The following PPP1R9A variants were observed in gnomAD, a reference collection of about 807,000 sequenced individuals.
PPP1R9A encodes neurabin-1.
A neutral mutation model predicts 141.9 loss-of-function variants in PPP1R9A; 59 were observed. The observed-to-expected ratio is 0.42, with a 90% CI of 0.34 to 0.52. The LOEUF is 0.52. Among genes scored for constraint, PPP1R9A ranks in the 20% least tolerant of loss-of-function variants. The probability of loss-of-function intolerance (pLI) is 0.10; values close to 1 mark genes in which losing one functional copy is unlikely to be tolerated. For synonymous variants in PPP1R9A, 500 were observed against 569.7 expected (o/e 0.88, Z 1.74); for missense variants, 1,444 against 1,611.9 (o/e 0.90, Z 1.78).
intron 9 of PPP1R9A, among the ~76,000 whole-genome samples, 160 bp from the exon 10 acceptor site, chr7:95,249,866 A>C (rs767994222): frequency 1.3e-5 from 2 of 152,164 alleles, no homozygotes; most frequent in Non-Finnish European, 2.9e-5. Flanking sequence ...CCATTTTATC[A>C]TCTGTGGAAT....
At chr7:95,153,438 T>C (rs1829072302) in intron 4 of PPP1R9A, among the ~76,000 whole-genome samples, 1 of 152,200 alleles carries the variant, frequency 6.6e-6, no homozygotes, top group African/African-American at 2.4e-5. Flanking sequence ...TAGGTATGGA[T>C]ATCATTAGCT....
chr7:95,060,550 T>C (rs1340667160), intron 2 of PPP1R9A, among the ~76,000 whole-genome samples: 1 of 152,168 alleles, frequency 6.6e-6, no homozygotes, highest in African/African-American at 2.4e-5. Flanking sequence ...GGTCTGCTGT[T>C]TATATAAATT....
At chr7:95,000,986 G>T (rs1175233654) in intron 2 of PPP1R9A, among the ~76,000 whole-genome samples, 2 of 152,134 alleles carry the variant, frequency 1.3e-5, no homozygotes. Flanking sequence ...TAATTATCTT[G>T]TGTAGAGCCC....
chr7:95,254,953 A>T (rs1196427204), intron 12 of PPP1R9A, among the ~76,000 whole-genome samples: 2 of 152,178 alleles, frequency 1.3e-5, no homozygotes, highest in East Asian at 3.8e-4. Flanking sequence ...AATCATCAGT[A>T]CAAATTTGTT....
At position 94,947,006 on chromosome 7, in the gene PPP1R9A, T is replaced by A. The variant is rs1418947252; in HGVS notation, c.1395+35498T>A. Among the ~76,000 whole-genome samples the A allele has an allele frequency of 2.6e-5, 4 of 152,222 alleles. No individual in the cohort carries two copies. In the East Asian group the frequency reaches 5.8e-4, roughly 22 times the overall value. On this transcript the variant is annotated intron_variant, in intron 2 of 19. Transcript: ENST00000433360. ...TCTATTATTTGTATCCTTTTATTAT[T>A]GTTATTAGTAAATACTAAAAGCCCA... is the stretch of plus-strand genomic sequence containing the variant.
In PPP1R9A at chr7:95,247,621, A is replaced by T. The variant is rs146435212; in HGVS notation, c.2166+95A>T. On this transcript the variant is annotated intron_variant, in intron 9 of 19. Transcript: ENST00000433360. ...AGGACTAAAGGTTTTGTCCCTGTATATTTGAAAGAATGCAAATGTGATAGA... is the reference window on the plus strand; with the variant it reads ...AGGACTAAAGGTTTTGTCCCTGTATTTTTGAAAGAATGCAAATGTGATAGA... 1.5e-4 allele frequency: 154 copies of T among 1,041,902 alleles called. No individual in the cohort carries two copies. In the East Asian group the frequency reaches 3.3e-3, roughly 23 times the overall value. The allele number at this position is 1,041,902 out of a possible 1,614,324, so 64.5% of individuals were successfully genotyped here. A position where few individuals can be genotyped will look rare whatever the true frequency, so the allele number is the denominator to read the frequency against.
chr7:95,224,918 A>G (rs1472325492), intron 7 of PPP1R9A, among the ~76,000 whole-genome samples: 1 of 151,308 alleles, frequency 6.6e-6, no homozygotes. Flanking sequence ...AGGAACAGGG[A>G]TGAGTTCAAT....
chr7:95,188,286 A>G (rs1028550423), intron 5 of PPP1R9A, among the ~76,000 whole-genome samples: 2 of 151,960 alleles, frequency 1.3e-5, no homozygotes, highest in Non-Finnish European at 2.9e-5. Flanking sequence ...GTTTTGTCTG[A>G]TATAAGAATG....
At chr7:95,094,388 G>A (rs1028003607) in intron 2 of PPP1R9A, among the ~76,000 whole-genome samples, 5 of 152,134 alleles carry the variant, frequency 3.3e-5, no homozygotes, top group Non-Finnish European at 1.5e-5. Context: ...AAAATCATTC[G>A]TAAATTCATT....
chr7:94,975,885 C>A (rs1392871805), intron 2 of PPP1R9A, among the ~76,000 whole-genome samples: 1 of 152,102 alleles, frequency 6.6e-6, no homozygotes, highest in African/African-American at 2.4e-5. Flanking sequence ...TATAAAGGTA[C>A]AATTTCAGGT....
Position 95,244,265 on chromosome 7 carries a change from G to A in PPP1R9A, c.2113-3208G>A, listed in dbSNP as rs138152582. On this transcript the variant is annotated intron_variant, in intron 8 of 19. Coordinates refer to ENST00000433360, the MANE Select transcript of PPP1R9A (RefSeq NM_001166160.2). ...ATCCATTTTTGGTGAGATGGAAAGG[G>A]TAGAATAGATCAACATGGGCTGTTT... Among the ~76,000 whole-genome samples, 6 of 152,254 alleles carry A rather than the reference G, an allele frequency of 3.9e-5. No individual in the cohort carries two copies. The East Asian group carries it at 9.7e-4, about 25-fold the overall frequency.
chr7:95,175,098 A>G (rs1168205626), intron 5 of PPP1R9A: 1 of 152,176 alleles, frequency 6.6e-6, no homozygotes, highest in Non-Finnish European at 1.5e-5. Flanking sequence ...ATCTGAAATG[A>G]CATCCCGTCA....
chr7:95,009,818 A>G (rs1414658660), intron 2 of PPP1R9A, among the ~76,000 whole-genome samples: 1 of 152,172 alleles, frequency 6.6e-6, no homozygotes, highest in Admixed American at 6.5e-5. Context: ...CCAGCCAGGT[A>G]AAGAGGAGGA....
chr7:95,282,174 TA>T (rs1406657663), intron 16 of PPP1R9A, among the ~76,000 whole-genome samples: 3 of 151,922 alleles, frequency 2.0e-5, no homozygotes, highest in African/African-American at 7.3e-5. Context: ...CTACAAAAAA[TA>T]AAAAAGTTAG....
chr7:94,954,452 G>A (rs1361737280), intron 2 of PPP1R9A, among the ~76,000 whole-genome samples: 1 of 151,758 alleles, frequency 6.6e-6, no homozygotes, highest in Admixed American at 6.6e-5. Context: ...TTCTACTTAA[G>A]TCTATATGTT....
chr7:94,981,138 GA>G (rs1197471958), intron 2 of PPP1R9A, among the ~76,000 whole-genome samples: 1 of 152,190 alleles, frequency 6.6e-6, no homozygotes, highest in East Asian at 1.9e-4. Flanking sequence ...ATGTGAGCTA[GA>G]AGCTTAGGTT....
At chr7:94,974,930 GC>G (rs1427852444) in intron 2 of PPP1R9A, among the ~76,000 whole-genome samples, 2 of 152,110 alleles carry the variant, frequency 1.3e-5, no homozygotes, top group African/African-American at 4.8e-5. Context: ...AAGATCCTGG[GC>G]TCTGGTAAGC....
intron 2 of PPP1R9A, among the ~76,000 whole-genome samples, chr7:94,924,566 T>C (rs530986849): frequency 1.8e-4 from 27 of 152,326 alleles, no homozygotes; most frequent in African/African-American, 6.0e-4. Context: ...TCTTGCTCTG[T>C]TGCCCAGGCT....
chr7:95,070,419 T>C (rs1813593638), intron 2 of PPP1R9A, among the ~76,000 whole-genome samples: 1 of 151,866 alleles, frequency 6.6e-6, no homozygotes, highest in Non-Finnish European at 1.5e-5. Context: ...CTTGTAATAG[T>C]TTCCCTTGAA....
Sources: gnomAD v4.1 joint callset for allele counts (sites outside exome capture counted in the v4.1 genomes callset) on GRCh38, gnomAD v4.1.1 for gene constraint, MANE v1.5 for transcripts, NCBI Gene and HGNC (gene_info 2026-07-23, HGNC 2026-07-21) for gene names.